Variants in C13orf46 observed in about 807,000 individuals in gnomAD.
C13orf46 encodes uncharacterized protein C13orf46.
At chr13:113,971,632 G>A (rs555823002) in intron 1 of C13orf46, among the ~76,000 whole-genome samples, 19 of 152,340 alleles carry the variant, frequency 1.2e-4, no homozygotes, top group African/African-American at 4.1e-4. Flanking sequence ...TGGTGCCCCC[G>A]TGAAGTCGGC....
chr13:113,945,982 T>C, the C13orf46 span, among the ~76,000 whole-genome samples: 1 of 150,986 alleles, frequency 6.6e-6, no homozygotes, highest in Non-Finnish European at 1.5e-5. Context: ...TTCACTGTGA[T>C]TTAGGGTCCA....
At chr13:113,946,402 A>G in the C13orf46 span, among the ~76,000 whole-genome samples, 1 of 152,210 alleles carries the variant, frequency 6.6e-6, no homozygotes, top group Non-Finnish European at 1.5e-5. Flanking sequence ...TGGGAACTGA[A>G]GGGCGTCCTG....
At chr13:113,944,558 G>A in the C13orf46 span, among the ~76,000 whole-genome samples, 1 of 151,810 alleles carries the variant, frequency 6.6e-6, no homozygotes, top group African/African-American at 2.4e-5. Context: ...AGTCCTGCAG[G>A]TGTGTGCTGG....
intron 6 of C13orf46, among the ~76,000 whole-genome samples, chr13:113,963,516 GCCCCTGTCCTCAGCCTCA>G (rs2052608172): frequency 4.4e-5 from 5 of 112,406 alleles, no homozygotes; most frequent in African/African-American, 6.5e-5. Context: ...CCTCAGCCTC[GCCCCTGTCCTCAGCCTCA>G]CCCCTGTCCT....
the C13orf46 span, among the ~76,000 whole-genome samples, chr13:113,947,775 C>G: frequency 6.6e-6 from 1 of 152,214 alleles, no homozygotes; most frequent in African/African-American, 2.4e-5. Context: ...GACAAGGAGC[C>G]CAGGAAGCAC....
In C13orf46 at chr13:113,966,184, T is replaced by C. The variant is rs1043040111; in HGVS notation, c.504+1157A>G. ...ATAGTGGTGATGGTGATGATGATGA[T>C]GGTGATGATGGTCATGATGATGGTG... On this transcript the variant is annotated intron_variant, in intron 5 of 6. Coordinates refer to ENST00000636427, the MANE Select transcript of C13orf46 (RefSeq NM_001365455.2). Among the ~76,000 whole-genome samples the C allele has an allele frequency of 1.0e-3, 146 of 144,526 alleles. 2 individuals carry two copies. The highest frequency in any genetic ancestry group is 4.1e-3 in the East Asian group (18 of 4,356). The allele number at this position is 144,526 out of a possible 152,430, so 94.8% of individuals were successfully genotyped here.
chr13:113,946,063 G>A, the C13orf46 span, among the ~76,000 whole-genome samples: 3 of 111,630 alleles, frequency 2.7e-5, no homozygotes, highest in East Asian at 4.2e-4. Flanking sequence ...AGTGAATGCC[G>A]CGTTTAAAAC....
rs1373230534 is a variant in C13orf46, at chr13:113,968,694, ACT to A, written c.307_308del (p.Ser103TrpfsTer44). 5.3e-5 allele frequency: 8 copies of A among 151,734 alleles called. No individual in the cohort carries two copies. Among genetic ancestry groups the A allele is most frequent in the Non-Finnish European group, 7.4e-5 (5 of 67,982 alleles). 9.4% of individuals were successfully genotyped at this position (151,734 alleles called of 1,614,324 possible). A position where few individuals can be genotyped will look rare whatever the true frequency, so the allele number is the denominator to read the frequency against. On this transcript the variant is annotated frameshift_variant, in exon 3 of 7. Coordinates refer to ENST00000636427, the MANE Select transcript of C13orf46 (RefSeq NM_001365455.2). LOFTEE classifies it high-confidence loss of function. The stretch of plus-strand genomic sequence containing the variant: ...TCTCCCTCTCTGGGTCTTGTTTTCC[ACT>A]CTCATGACCCAGCTTCCCAAGGGTG... ...FSTLGKLGHE[S>X]GKQDPEREKS...
chr13:113,952,446 G>A (rs1481470317), downstream of C13orf46, among the ~76,000 whole-genome samples: 1 of 152,350 alleles, frequency 6.6e-6, no homozygotes, highest in African/African-American at 2.4e-5. Context: ...GGTTCCAAGG[G>A]GGCCACCTCG....
At chr13:113,951,437 G>A (rs1199762985), downstream of C13orf46, among the ~76,000 whole-genome samples, 2 of 152,166 alleles carry the variant, frequency 1.3e-5, no homozygotes, top group Admixed American at 6.5e-5. Flanking sequence ...CTTTGGCCTC[G>A]GCTCTGCCCG....
At chr13:113,961,851 A>G (rs1594246663) in intron 6 of C13orf46, among the ~76,000 whole-genome samples, 2 of 151,588 alleles carry the variant, frequency 1.3e-5, no homozygotes, top group Non-Finnish European at 2.9e-5. Flanking sequence ...CTCTGATGCT[A>G]TAAAGTGTGC....
chr13:113,941,371 G>A, the C13orf46 span, among the ~76,000 whole-genome samples: 1 of 21,182 alleles, frequency 4.7e-5, no homozygotes, highest in Admixed American at 4.2e-4. Flanking sequence ...CTGAGCGTTC[G>A]AGACCCTGGT....
chr13:113,969,104 T>G (rs2052677816), intron 2 of C13orf46, among the ~76,000 whole-genome samples: 1 of 152,226 alleles, frequency 6.6e-6, no homozygotes, highest in South Asian at 2.1e-4. Context: ...CTGTCGCAGA[T>G]CCACACTCCA....
rs2052521544 is a variant in C13orf46 at position 113,955,586 on chromosome 13, T to TGGCAGAGA, written c.*1186_*1187insTCTCTGCC. On this transcript the variant is annotated 3_prime_UTR_variant, in exon 7 of 7. Coordinates refer to ENST00000636427, the MANE Select transcript of C13orf46 (RefSeq NM_001365455.2). ...GCATCTCGTGGAGAGGAGGAGCATC[T>TGGCAGAGA]CGTGGAGCGGAGGAGCATCTGGCAG... 1 of 135,828 alleles carries TGGCAGAGA rather than the reference T, an allele frequency of 7.4e-6. No individual in the cohort carries two copies. 8.4% of individuals were successfully genotyped at this position (135,828 alleles called of 1,614,324 possible).
the C13orf46 span, among the ~76,000 whole-genome samples, chr13:113,939,082 G>A: frequency 6.6e-6 from 1 of 152,136 alleles, no homozygotes; most frequent in Non-Finnish European, 1.5e-5. Context: ...ACTCCGGGAG[G>A]GCAGAATTCA....
rs1368210478 is a variant in C13orf46 at position 113,954,159 on chromosome 13, T to TTA, written c.*2612_*2613dup. On this transcript the variant is annotated 3_prime_UTR_variant, in exon 7 of 7. Transcript: ENST00000636427. The stretch of plus-strand genomic sequence containing the variant: ...AGCTCACCCTCTGGGAGCCTCTGCA[T>TTA]TATCATGTGCACCACAGGGACGGCC... The TTA allele has an allele frequency of 6.6e-6, 1 of 152,234 alleles. No homozygotes were observed. The highest frequency in any genetic ancestry group is 2.4e-5 in the African/African-American group (1 of 41,466). 9.4% of individuals were successfully genotyped at this position (152,234 alleles called of 1,614,324 possible).
intron 6 of C13orf46, among the ~76,000 whole-genome samples, chr13:113,957,847 C>G (rs1357702198): frequency 2.0e-5 from 3 of 148,980 alleles, no homozygotes; most frequent in Admixed American, 2.0e-4. Flanking sequence ...GTATTCACCC[C>G]CTTTCATCAA....
At chr13:113,943,602 G>A in the C13orf46 span, among the ~76,000 whole-genome samples, 12 of 152,280 alleles carry the variant, frequency 7.9e-5, no homozygotes, top group South Asian at 2.1e-4. Context: ...AAGGTAGAAC[G>A]AGGCATGTCT....
the C13orf46 span, among the ~76,000 whole-genome samples, chr13:113,940,209 GGGGCCT>G: frequency 6.6e-6 from 1 of 152,232 alleles, no homozygotes; most frequent in African/African-American, 2.4e-5. Context: ...GTGTGCAGCA[GGGGCCT>G]GGGCCGTTTC....
Sources: allele counts gnomAD v4.1 joint callset (sites outside exome capture counted in the v4.1 genomes callset), GRCh38; gene constraint gnomAD v4.1.1; transcripts MANE v1.5; gene names NCBI Gene and HGNC (gene_info 2026-07-23, HGNC 2026-07-21).